Variants in PLCB4 observed in about 807,000 individuals in gnomAD.
PLCB4 encodes the protein 1-phosphatidylinositol 4,5-bisphosphate phosphodiesterase beta-4.
In PLCB4, 77 loss-of-function variants were observed where a neutral mutation model predicts 178.8. The ratio of observed to expected loss-of-function variants is 0.43; its 90% confidence interval spans 0.36 to 0.52. The LOEUF (loss-of-function observed/expected upper bound fraction) is 0.52. Among genes scored for constraint, PLCB4 ranks in the 20% least tolerant of loss-of-function variants. The pLI, the probability that PLCB4 is intolerant of heterozygous loss-of-function variation, is 0.00. For synonymous variants in PLCB4, 496 were observed against 490.8 expected, an observed-to-expected ratio of 1.01 and a Z score of -0.14; for missense variants, 1,024 against 1,453.4, an observed-to-expected ratio of 0.70 and a Z score of 4.80.
chr20:9,231,351 TTAGGGTGTTGTG>T (rs1436485946), intron 3 of PLCB4, among the ~76,000 whole-genome samples: 1 of 152,080 alleles, frequency 6.6e-6, no homozygotes, highest in Non-Finnish European at 1.5e-5. Flanking sequence ...AACTGGGTCT[TTAGGGTGTTGTG>T]TAGGGGGGTA....
chr20:9,342,561 A>G (rs2033337304), intron 7 of PLCB4, among the ~76,000 whole-genome samples: 1 of 152,182 alleles, frequency 6.6e-6, no homozygotes, highest in Admixed American at 6.5e-5. Context: ...AACTTAAGGC[A>G]TATAAATGTT....
At chr20:9,415,665 G>C (rs373354395) in intron 25 of PLCB4, among the ~76,000 whole-genome samples, 4 of 152,190 alleles carry the variant, frequency 2.6e-5, no homozygotes, top group East Asian at 3.8e-4. Flanking sequence ...TGTCTGGAAT[G>C]AGTTCATTTT....
At chr20:9,220,078 G>C (rs762426283) in intron 3 of PLCB4, among the ~76,000 whole-genome samples, 3 of 151,950 alleles carry the variant, frequency 2.0e-5, no homozygotes, top group Non-Finnish European at 4.4e-5. Flanking sequence ...TATTTATTTA[G>C]AGAACAAAAT....
At chr20:9,314,278 C>T (rs749425027) in intron 4 of PLCB4, among the ~76,000 whole-genome samples, 1 of 152,120 alleles carries the variant, frequency 6.6e-6, no homozygotes, top group Non-Finnish European at 1.5e-5. Context: ...GTGATCAGTT[C>T]TGGATGACCA....
chr20:9,221,861 A>T (rs562626505), intron 3 of PLCB4, among the ~76,000 whole-genome samples: 14 of 152,106 alleles, frequency 9.2e-5, no homozygotes, highest in Non-Finnish European at 1.9e-4. Flanking sequence ...TCTTACTAGG[A>T]ACATTTCCAG....
intron 3 of PLCB4, among the ~76,000 whole-genome samples, chr20:9,245,229 G>C (rs1014081529): frequency 2.3e-4 from 35 of 152,312 alleles, no homozygotes; most frequent in African/African-American, 8.2e-4. Context: ...GCTGCATTCT[G>C]TTGGCCAAAG....
At chr20:9,265,414 T>C (rs935415259) in intron 3 of PLCB4, among the ~76,000 whole-genome samples, 8 of 151,694 alleles carry the variant, frequency 5.3e-5, no homozygotes, top group African/African-American at 1.9e-4. Flanking sequence ...ACCCCGGAGG[T>C]AAAGGTTGCA....
In PLCB4 at chr20:9,167,788, G is replaced by A. The variant is rs1021295308; in HGVS notation, c.-78-49602G>A. On this transcript the variant is annotated intron_variant, in intron 2 of 39. Coordinates refer to ENST00000378473, the MANE Select transcript of PLCB4 (RefSeq NM_001377142.1). ...AGCTTTAGAAACATATTTCATATTT[G>A]CGTACTTTATTTTTTCAGTTAGGCA... Among the ~76,000 whole-genome samples, 4 of 152,108 alleles carry A rather than the reference G, an allele frequency of 2.6e-5. No individual in the cohort carries two copies. In the South Asian group the frequency reaches 6.2e-4, roughly 24 times the overall value.
chr20:9,350,876 A>C (rs986580357), intron 7 of PLCB4, among the ~76,000 whole-genome samples: 1 of 152,186 alleles, frequency 6.6e-6, no homozygotes, highest in Non-Finnish European at 1.5e-5. Context: ...GATTTAGCTT[A>C]TCTGTATAAA....
At chr20:9,275,023 A>G (rs895580416) in intron 3 of PLCB4, among the ~76,000 whole-genome samples, 8 of 152,082 alleles carry the variant, frequency 5.3e-5, no homozygotes, top group Non-Finnish European at 1.5e-5. Context: ...TTTACCATAT[A>G]GAAGGAAATA....
At position 9,260,729 on chromosome 20, in the gene PLCB4, T is replaced by A. The variant is rs192901547; in HGVS notation, c.-16+43277T>A. 6.1e-3 allele frequency among the ~76,000 whole-genome samples: 931 copies of A among 152,240 alleles called. 5 individuals are homozygous for A. The highest frequency in any genetic ancestry group is 0.012 in the Admixed American group (183 of 15,286). On this transcript the variant is annotated intron_variant, in intron 3 of 39. Transcript: ENST00000378473. ...GGCAGAGGAGGGAACTTCATATTCTTGTTTTATAAATTTTCAGAGAGAGAG... is the reference window on the plus strand; with the variant it reads ...GGCAGAGGAGGGAACTTCATATTCTAGTTTTATAAATTTTCAGAGAGAGAG...
chr20:9,201,904 C>T (rs2093551872), intron 2 of PLCB4, among the ~76,000 whole-genome samples: 1 of 152,178 alleles, frequency 6.6e-6, no homozygotes, highest in South Asian at 2.1e-4. Flanking sequence ...GTGATGGAAA[C>T]TTATGCATAA....
At chr20:9,477,722 T>C (rs80100730) in intron 39 of PLCB4, among the ~76,000 whole-genome samples, 4,316 of 152,272 alleles carry the variant, frequency 0.028, 207 homozygotes, top group African/African-American at 0.096. Context: ...ATTTAATTCT[T>C]TGGTGTTATT....
chr20:9,476,801 A>G (rs755267124), intron 39 of PLCB4, 48 bp downstream of exon 39: 3 of 1,296,180 alleles, frequency 2.3e-6, no homozygotes, highest in Non-Finnish European at 3.4e-6. Context: ...CTTCTCGACT[A>G]CGTCCGTATT....
In PLCB4 at chr20:9,330,950, C is replaced by A. The variant is rs756762651; in HGVS notation, c.85-6176C>A. On this transcript the variant is annotated intron_variant, in intron 4 of 39. Transcript: ENST00000378473. ...AGTACGACCATTTAGTCAGCATTTACTTTGTCCCAGGTACTTAGACATTCT... is the reference window on the plus strand; with the variant it reads ...AGTACGACCATTTAGTCAGCATTTAATTTGTCCCAGGTACTTAGACATTCT... 1.8e-4 allele frequency among the ~76,000 whole-genome samples: 27 copies of A among 152,194 alleles called. 1 individual carries two copies. Among genetic ancestry groups the A allele is most frequent in the African/African-American group, 6.0e-4 (25 of 41,452 alleles).
chr20:9,291,842 T>A (rs1247543579), intron 3 of PLCB4, among the ~76,000 whole-genome samples: 1 of 152,196 alleles, frequency 6.6e-6, no homozygotes, highest in Admixed American at 6.5e-5. Context: ...ATCCTTAAGC[T>A]TGAAAACTTG....
chr20:9,102,669 CT>C (rs1419831663), intron 2 of PLCB4, among the ~76,000 whole-genome samples: 1 of 152,096 alleles, frequency 6.6e-6, no homozygotes, highest in Non-Finnish European at 1.5e-5. Flanking sequence ...GAAATAACTA[CT>C]TATGTTAACA....
At chr20:9,340,861 C>A (rs1265573956) in intron 7 of PLCB4, among the ~76,000 whole-genome samples, 1 of 152,132 alleles carries the variant, frequency 6.6e-6, no homozygotes, top group Non-Finnish European at 1.5e-5. Context: ...ACGTGGGAAG[C>A]ACTTTGTGTA....
intron 2 of PLCB4, among the ~76,000 whole-genome samples, chr20:9,147,767 A>G (rs971929344): frequency 1.3e-5 from 2 of 152,138 alleles, no homozygotes; most frequent in Admixed American, 1.3e-4. Context: ...ATGTGTGCTA[A>G]TATTTCCATT....
Sources: allele counts gnomAD v4.1 joint callset (sites outside exome capture counted in the v4.1 genomes callset), GRCh38; gene constraint gnomAD v4.1.1; transcripts MANE v1.5; gene names NCBI Gene and HGNC (gene_info 2026-07-23, HGNC 2026-07-21).